BANK1: variants seen among roughly 807,000 people sequenced by gnomAD.
BANK1 encodes the protein B cell scaffold protein with ankyrin repeats 1.
BANK1 carries 95 observed loss-of-function variants against 94.5 expected under a neutral mutation model. The ratio of observed to expected loss-of-function variants is 1.00; its 90% CI spans 0.85 to 1.19. The LOEUF (loss-of-function observed/expected upper bound fraction) is 1.19, where lower values mean the gene tolerates loss of function less well. BANK1 is among the 50% of genes most tolerant of loss of function. The pLI is 0.00. For synonymous variants in BANK1, 334 were observed against 308.4 expected (o/e 1.08, Z -0.87); for missense variants, 987 against 932.2 (o/e 1.06, Z -0.77).
chr4:101,848,878 T>G (rs1727354555), intron 2 of BANK1, among the ~76,000 whole-genome samples: 1 of 152,170 alleles, frequency 6.6e-6, no homozygotes, highest in Non-Finnish European at 1.5e-5. Context: ...AGGATCTTGT[T>G]TATGCCCTTC....
In BANK1 at chr4:101,991,122, T is replaced by C. The variant is rs543014104; in HGVS notation, c.1207-30392T>C. Among the ~76,000 whole-genome samples the C allele has an allele frequency of 6.6e-5, 10 of 152,312 alleles. No homozygotes were observed. In the East Asian group the frequency reaches 1.3e-3, roughly 21 times the overall value. On this transcript the variant is annotated intron_variant, in intron 7 of 16. Transcript: ENST00000322953. ...AGAAAATGAAGGCTTACAATAGTCA[T>C]GTAACTCACCAAACCCCACACAGCT...
At chr4:101,991,910 T>C (rs922606219) in intron 7 of BANK1, among the ~76,000 whole-genome samples, 7 of 152,178 alleles carry the variant, frequency 4.6e-5, no homozygotes, top group African/African-American at 1.4e-4. Flanking sequence ...AGAGAAGGTT[T>C]CCATGAAATA....
chr4:101,815,577 A>G (rs1725883841), intron 1 of BANK1, among the ~76,000 whole-genome samples: 2 of 152,146 alleles, frequency 1.3e-5, no homozygotes, highest in Non-Finnish European at 2.9e-5. Context: ...CAAATCAGAG[A>G]TGTACTGAAA....
chr4:101,863,322 A>G (rs1035879245), intron 4 of BANK1, among the ~76,000 whole-genome samples: 1 of 152,072 alleles, frequency 6.6e-6, no homozygotes, highest in African/African-American at 2.4e-5. Flanking sequence ...ATTTTAATAT[A>G]AATGTAAAAC....
intron 9 of BANK1, among the ~76,000 whole-genome samples, chr4:102,026,505 GT>G (rs1727102253): frequency 6.6e-6 from 1 of 152,012 alleles, no homozygotes; most frequent in African/African-American, 2.4e-5. Context: ...ACATGACCTT[GT>G]TTCAAAAAGT....
chr4:101,814,518 T>A (rs73836605), intron 1 of BANK1, among the ~76,000 whole-genome samples: 1,724 of 152,316 alleles, frequency 0.011, 36 homozygotes, highest in African/African-American at 0.039. Context: ...CTAAAGTTAT[T>A]CTCTTTTTAA....
intron 7 of BANK1, among the ~76,000 whole-genome samples, chr4:101,998,078 AC>A (rs1560676079): frequency 6.6e-6 from 1 of 152,056 alleles, no homozygotes; most frequent in East Asian, 1.9e-4. Flanking sequence ...CCCTGTAAAC[AC>A]TGCTTTACTT....
At chr4:101,811,623 C>A (rs945487864) in intron 1 of BANK1, among the ~76,000 whole-genome samples, 2 of 152,052 alleles carry the variant, frequency 1.3e-5, no homozygotes, top group Admixed American at 1.3e-4. Context: ...CCCATTCATT[C>A]ATGATACATT....
At chr4:101,896,988 A>T (rs1055474820) in intron 6 of BANK1, among the ~76,000 whole-genome samples, 2 of 152,012 alleles carry the variant, frequency 1.3e-5, no homozygotes, top group African/African-American at 4.8e-5. Flanking sequence ...TCCAATGTAT[A>T]CTTAATTGAA....
rs1722310966 is a variant in BANK1 at position 101,902,215 on chromosome 4, G to A, written c.1009+6805G>A. Among the ~76,000 whole-genome samples, 3 of 152,218 alleles carry A rather than the reference G, an allele frequency of 2.0e-5. No homozygotes were observed. The East Asian group carries it at 5.8e-4, about 29-fold the overall frequency. On this transcript the variant is annotated intron_variant, in intron 6 of 16. Coordinates refer to ENST00000322953, the MANE Select transcript of BANK1 (RefSeq NM_017935.5). ...ACAATAACAGAAATCTGAAAAATAA[G>A]CATGACCTCTATCTACCCATGACAC...
At chr4:101,849,183 A>G (rs1249552360) in intron 2 of BANK1, among the ~76,000 whole-genome samples, 1 of 152,148 alleles carries the variant, frequency 6.6e-6, no homozygotes, top group Non-Finnish European at 1.5e-5. Flanking sequence ...CCTTTCTCAA[A>G]GAGAGGTTTG....
At chr4:101,985,368 A>G (rs1725447709) in intron 7 of BANK1, among the ~76,000 whole-genome samples, 1 of 152,186 alleles carries the variant, frequency 6.6e-6, no homozygotes, top group African/African-American at 2.4e-5. Flanking sequence ...ACGCCTTCAC[A>G]GATCCATCCA....
At chr4:101,992,002 T>C (rs1247477943) in intron 7 of BANK1, among the ~76,000 whole-genome samples, 1 of 152,188 alleles carries the variant, frequency 6.6e-6, no homozygotes, top group Non-Finnish European at 1.5e-5. Flanking sequence ...CATGTGGGTA[T>C]GTAGGACATA....
chr4:101,948,271 G>T (rs1269176417), intron 7 of BANK1, among the ~76,000 whole-genome samples: 2 of 152,064 alleles, frequency 1.3e-5, no homozygotes, highest in African/African-American at 2.4e-5. Context: ...AAGGCTACCT[G>T]AATTTGTACA....
At chr4:102,018,397 C>T (rs1175348947) in intron 7 of BANK1, among the ~76,000 whole-genome samples, 1 of 152,144 alleles carries the variant, frequency 6.6e-6, no homozygotes. Context: ...AGAGTTGGGG[C>T]AATTACAATA....
chr4:101,968,580 G>A (rs1197653706), intron 7 of BANK1, among the ~76,000 whole-genome samples: 1 of 151,914 alleles, frequency 6.6e-6, no homozygotes, highest in Non-Finnish European at 1.5e-5. Context: ...GCAGTTAGAG[G>A]GGCAGACAAG....
At chr4:101,976,157 G>A (rs1456991621) in intron 7 of BANK1, among the ~76,000 whole-genome samples, 1 of 152,122 alleles carries the variant, frequency 6.6e-6, no homozygotes, top group Admixed American at 6.6e-5. Context: ...GTGGTCATAA[G>A]CAGTGAATTA....
chr4:102,025,947 GA>G (rs1308178022), intron 9 of BANK1, among the ~76,000 whole-genome samples: 1 of 152,198 alleles, frequency 6.6e-6, no homozygotes, highest in Non-Finnish European at 1.5e-5. Flanking sequence ...GACAAAAAGT[GA>G]AATGCTAATG....
chr4:101,984,273 G>A (rs1223497996), intron 7 of BANK1, among the ~76,000 whole-genome samples: 5 of 151,954 alleles, frequency 3.3e-5, no homozygotes, highest in Non-Finnish European at 7.4e-5. Flanking sequence ...TAAGGATTAG[G>A]GTAGTTAGCC....
Sources: gnomAD v4.1 joint callset for allele counts (sites outside exome capture counted in the v4.1 genomes callset) on GRCh38, gnomAD v4.1.1 for gene constraint, MANE v1.5 for transcripts, NCBI Gene and HGNC (gene_info 2026-07-23, HGNC 2026-07-21) for gene names.